PARL: variants seen among roughly 807,000 people sequenced by gnomAD.
The protein encoded by PARL is presenilin-associated rhomboid-like protein, mitochondrial.
In PARL, 44 loss-of-function variants were observed where a neutral mutation model predicts 51.6. The observed-to-expected ratio is 0.85, with a 90% confidence interval of 0.67 to 1.10. The LOEUF is 1.10. PARL is among the 50% of genes least tolerant of loss of function. PARL has a pLI of 0.00. For synonymous variants in PARL, 172 were observed against 164.0 expected (o/e 1.05, Z -0.37); for missense variants, 441 against 469.5 (o/e 0.94, Z 0.56).
chr3:183,829,631 A>C lies in PARL; in HGVS notation c.1107T>G (p.Thr369=). The change falls in exon 10 of 10, where the codon ACT becomes ACG. Residue 369 remains threonine (T), a synonymous_variant. Transcript: ENST00000317096. ...AGCCACCTCCTTTTTTGGGGCCATT[A>C]GTCCTTATTTCATGCCAGATTTTCA... ...PLVKIWHEIR[T]NGPKKGGGSK is the part of the protein sequence containing the mutation. 1 of 1,614,156 alleles carries C rather than the reference A, an allele frequency of 6.2e-7. No homozygotes were observed. The highest frequency in any genetic ancestry group is 8.5e-7 in the Non-Finnish European group (1 of 1,179,992).
rs74952629 is a variant in PARL, at chr3:183,863,380, T to C, written c.463-579A>G. ...GAAAGGGAAGGGAAAAAAAGGGAAA[T>C]AGATGAAAAAAAAATTGGCCCTGTC... On this transcript the variant is annotated intron_variant, in intron 3 of 9. Coordinates refer to ENST00000317096, the MANE Select transcript of PARL (RefSeq NM_018622.7). 4.8e-4 allele frequency among the ~76,000 whole-genome samples: 73 copies of C among 151,694 alleles called. No homozygotes were observed. The East Asian group carries it at 0.013, about 27-fold the overall frequency.
At chr3:183,831,634 G>C (rs763775426) in intron 9 of PARL, among the ~76,000 whole-genome samples, 3 of 152,272 alleles carry the variant, frequency 2.0e-5, no homozygotes, top group African/African-American at 7.2e-5. Flanking sequence ...TATTATTATT[G>C]CAACAGTACA....
chr3:183,867,998 C>G lies in PARL; in HGVS notation c.188G>C (p.Arg63Pro). 6.2e-7 allele frequency: 1 copy of G among 1,614,140 alleles called. No individual in the cohort carries two copies. Among genetic ancestry groups the G allele is most frequent in the Non-Finnish European group, 8.5e-7 (1 of 1,180,002 alleles). Residue 63 changes from arginine to proline, a missense_variant, in exon 2 of 10, where the codon CGA becomes CCA. By Grantham distance (103) the Arg-to-Pro change is moderately radical (BLOSUM62 -2). Coordinates refer to ENST00000317096, the MANE Select transcript of PARL (RefSeq NM_018622.7). ...ACCACTTGTCCCTGGGTCTGATCTT[C>G]GAGGTTCAACCTTCCTGGGTGCTTT... ...FRKAPRKVEPRRSDPGTSGEA... is the reference protein window; with the variant it reads ...FRKAPRKVEPPRSDPGTSGEA...
At chr3:183,874,643 C>T (rs779298797) in intron 1 of PARL, among the ~76,000 whole-genome samples, 1 of 152,146 alleles carries the variant, frequency 6.6e-6, no homozygotes, top group Non-Finnish European at 1.5e-5. Flanking sequence ...TCAAACCTCA[C>T]GTGATCCTCC....
At chr3:183,877,442 A>T (rs1203177116) in intron 1 of PARL, among the ~76,000 whole-genome samples, 1 of 152,246 alleles carries the variant, frequency 6.6e-6, no homozygotes, top group Admixed American at 6.5e-5. Context: ...ATAAAGCAGC[A>T]GCACGGTTTG....
chr3:183,863,484 G>A (rs1664475067), intron 3 of PARL, among the ~76,000 whole-genome samples: 1 of 151,966 alleles, frequency 6.6e-6, no homozygotes, highest in Admixed American at 6.6e-5. Flanking sequence ...AATTTTCCAT[G>A]ATTAAAGTTT....
chr3:183,880,778 T>C (rs1221983752), intron 1 of PARL, among the ~76,000 whole-genome samples: 1 of 152,140 alleles, frequency 6.6e-6, no homozygotes, highest in Non-Finnish European at 1.5e-5. Context: ...GTTCACCTAA[T>C]AGTTACAATA....
In PARL at chr3:183,829,453, G is replaced by C. The variant is rs1246319767; in HGVS notation, c.*145C>G. The C allele has an allele frequency of 6.3e-7, 1 of 1,595,728 alleles. No individual in the cohort carries two copies. Among genetic ancestry groups the C allele is most frequent in the African/African-American group, 1.3e-5 (1 of 74,402 alleles). ...CATCATTCACATTCTAAAAAGACAC[G>C]GACTGGGGGACACAGCTGAAAACAG... On this transcript the variant is annotated 3_prime_UTR_variant, in exon 10 of 10. Coordinates refer to ENST00000317096, the MANE Select transcript of PARL (RefSeq NM_018622.7).
At chr3:183,835,893 T>C (rs1381992505) in intron 7 of PARL, among the ~76,000 whole-genome samples, 1 of 151,264 alleles carries the variant, frequency 6.6e-6, no homozygotes, top group East Asian at 2.0e-4. Flanking sequence ...CAAATATAAT[T>C]TGATTAGTTG....
downstream of PARL, among the ~76,000 whole-genome samples, chr3:183,827,285 C>T (rs1215665867): frequency 6.6e-6 from 1 of 151,520 alleles, no homozygotes; most frequent in African/African-American, 2.4e-5. Flanking sequence ...GACCCTGTCT[C>T]TACAAAAAAC....
chr3:183,843,605 C>T lies in PARL; in HGVS notation c.607+626G>A, dbSNP rs182072607. 1.2e-3 allele frequency among the ~76,000 whole-genome samples: 179 copies of T among 151,320 alleles called. No homozygotes were observed. The East Asian group carries it at 0.03, about 25-fold the overall frequency. On this transcript the variant is annotated intron_variant, in intron 5 of 9. Transcript: ENST00000317096. ...CAGCACTTTGGGAGGCTGAGGCGGG[C>T]GGATCACGAGGTCAGGAGATCGAGA...
chr3:183,833,297 A>G (rs1478782015), intron 9 of PARL, among the ~76,000 whole-genome samples, 195 bp downstream of exon 9: 1 of 152,192 alleles, frequency 6.6e-6, no homozygotes, highest in African/African-American at 2.4e-5. Context: ...CTGTCTCTAC[A>G]ATGAGCCAGG....
At chr3:183,875,982 C>T (rs73177561) in intron 1 of PARL, among the ~76,000 whole-genome samples, 1,547 of 152,268 alleles carry the variant, frequency 0.01, 10 homozygotes, top group Non-Finnish European at 0.015. Context: ...CTCTACAAAT[C>T]GAACAACAAA....
intron 1 of PARL, among the ~76,000 whole-genome samples, chr3:183,875,970 TG>T (rs1018887829): frequency 6.6e-6 from 1 of 152,190 alleles, no homozygotes; most frequent in Non-Finnish European, 1.5e-5. Context: ...ACTCTGCCCG[TG>T]CTCTACAAAT....
In PARL at chr3:183,829,486, C is replaced by A; in HGVS notation, c.*112G>T. ...GGACACAGCTGAAAACAGTGGGAGG[C>A]CAGATGCTGGCATCTTCCAGACGGG... On this transcript the variant is annotated 3_prime_UTR_variant, in exon 10 of 10. Coordinates refer to ENST00000317096, the MANE Select transcript of PARL (RefSeq NM_018622.7). The A allele has an allele frequency of 6.2e-7, 1 of 1,610,062 alleles. No individual in the cohort carries two copies. The highest frequency in any genetic ancestry group is 1.1e-5 in the South Asian group (1 of 90,678).
intron 1 of PARL, chr3:183,883,785 C>G: frequency 1.6e-6 from 1 of 634,120 alleles, no homozygotes; most frequent in Non-Finnish European, 2.0e-6. Flanking sequence ...TCCACTCCAC[C>G]CACCCCTCTC....
Position 183,857,357 on chromosome 3 carries a change from T to C in PARL, c.511+5396A>G, listed in dbSNP as rs534629317. ...AGCCTGTGAAAATTAATTAGTTGAG[T>C]TGTACATCTGACATATTCACATTCT... On this transcript the variant is annotated intron_variant, in intron 4 of 9. Transcript: ENST00000317096. Among the ~76,000 whole-genome samples, 54 of 152,336 alleles carry C rather than the reference T, an allele frequency of 3.5e-4. 1 individual carries two copies. Among genetic ancestry groups the C allele is most frequent in the Middle Eastern group, 6.8e-3 (2 of 294 alleles).
chr3:183,858,386 T>C (rs1237786116), intron 4 of PARL, among the ~76,000 whole-genome samples: 4 of 152,172 alleles, frequency 2.6e-5, no homozygotes, highest in Admixed American at 1.3e-4. Context: ...GAATAGACTT[T>C]AGAAGTTGGG....
chr3:183,866,300 T>C (rs1222417989), intron 3 of PARL, among the ~76,000 whole-genome samples: 3 of 152,220 alleles, frequency 2.0e-5, no homozygotes, highest in Non-Finnish European at 4.4e-5. Flanking sequence ...GAATATTAAG[T>C]GCACTGACTT....
Sources: gnomAD v4.1 joint callset for allele counts (sites outside exome capture counted in the v4.1 genomes callset) on GRCh38, gnomAD v4.1.1 for gene constraint, MANE v1.5 for transcripts, NCBI Gene and HGNC (gene_info 2026-07-23, HGNC 2026-07-21) for gene names.